KANK1: variants seen among roughly 807,000 people sequenced by gnomAD.
The protein encoded by KANK1 is KN motif and ankyrin repeat domain-containing protein 1.
Under a neutral mutation model 106.2 loss-of-function variants are expected in KANK1, and 109 were observed. That is an observed-to-expected ratio of 1.03 (90% confidence interval 0.88 to 1.20). The LOEUF (loss-of-function observed/expected upper bound fraction) is 1.20, where lower values mean the gene tolerates loss of function less well. Ranked by LOEUF, KANK1 falls within the 50% of genes most tolerant of loss-of-function variation. KANK1 has a pLI of 0.00. For synonymous variants in KANK1, 873 were observed against 652.2 expected (o/e 1.34, Z -5.16); for missense variants, 2,399 against 1,710.7 (o/e 1.40, Z -7.10).
At chr9:528,805 A>G (rs913535301) in intron 1 of KANK1, among the ~76,000 whole-genome samples, 4 of 149,994 alleles carry the variant, frequency 2.7e-5, no homozygotes, top group South Asian at 2.1e-4. Flanking sequence ...ATATGTCTCA[A>G]TTTTTTTTTC....
chr9:657,779 C>CA (rs769376414), intron 1 of KANK1, among the ~76,000 whole-genome samples: 2 of 152,022 alleles, frequency 1.3e-5, no homozygotes, highest in Non-Finnish European at 2.9e-5. Context: ...CTAGGTCAGA[C>CA]AGTTGACCTC....
At position 684,323 on chromosome 9, in the gene KANK1, G is replaced by A. The variant is rs1445852760; in HGVS notation, c.37+7314G>A. 9.1e-6 allele frequency: 9 copies of A among 985,240 alleles called. No individual in the cohort carries two copies. The South Asian group carries it at 2.8e-4, about 31-fold the overall frequency. 61.0% of individuals were successfully genotyped at this position (985,240 alleles called of 1,614,324 possible). A position where few individuals can be genotyped will look rare whatever the true frequency, so the allele number is the denominator to read the frequency against. ...AGGAAGGAGAAAAATCTGTGCTCCT[G>A]CTCCTGGGTACTGGGCAAAGAAACC... On this transcript the variant is annotated intron_variant, in intron 2 of 11. Coordinates refer to ENST00000382297, the MANE Select transcript of KANK1 (RefSeq NM_015158.5).
intron 1 of KANK1, among the ~76,000 whole-genome samples, chr9:634,460 A>G (rs148306026): frequency 9.8e-5 from 15 of 152,292 alleles, no homozygotes; most frequent in East Asian, 1.9e-4. Flanking sequence ...GATGTTATCT[A>G]TAGGAGCAAT....
intron 1 of KANK1, among the ~76,000 whole-genome samples, chr9:511,556 CTCTGTTGGTT>C (rs2059026967): frequency 6.8e-6 from 1 of 146,026 alleles, no homozygotes; most frequent in South Asian, 2.1e-4. Context: ...TTAAAACCAA[CTCTGTTGGTT>C]GAGGCAGTCA....
At chr9:527,181 G>A (rs1249202532) in intron 1 of KANK1, among the ~76,000 whole-genome samples, 5 of 151,696 alleles carry the variant, frequency 3.3e-5, no homozygotes, top group Non-Finnish European at 7.4e-5. Context: ...TCCTGAAGGC[G>A]TCCCTTCTGA....
chr9:552,357 A>G (rs2061335365), intron 1 of KANK1, among the ~76,000 whole-genome samples: 2 of 152,146 alleles, frequency 1.3e-5, no homozygotes, highest in Non-Finnish European at 2.9e-5. Context: ...TTAGCCGGTG[A>G]TTGCCCAAGC....
chr9:682,497 C>A (rs1817769695), intron 2 of KANK1, among the ~76,000 whole-genome samples: 1 of 152,138 alleles, frequency 6.6e-6, no homozygotes, highest in Non-Finnish European at 1.5e-5. Flanking sequence ...TCCAAGTCTT[C>A]ATGGAAAATA....
chr9:555,511 A>G (rs1349497758), intron 1 of KANK1, among the ~76,000 whole-genome samples: 1 of 152,258 alleles, frequency 6.6e-6, no homozygotes, highest in African/African-American at 2.4e-5. Context: ...AATTAGGTAA[A>G]ATACTATAGT....
At chr9:601,920 A>G (rs1469125273) in intron 1 of KANK1, among the ~76,000 whole-genome samples, 3 of 151,864 alleles carry the variant, frequency 2.0e-5, no homozygotes, top group Non-Finnish European at 4.4e-5. Context: ...CCAGACGTGC[A>G]CATTGCAACT....
intron 3 of KANK1, among the ~76,000 whole-genome samples, chr9:499,529 G>T (rs184584232): frequency 6.6e-6 from 1 of 152,094 alleles, no homozygotes; most frequent in Non-Finnish European, 1.5e-5. Flanking sequence ...ATCCTCCACC[G>T]CCGACAAGGC....
intron 1 of KANK1, among the ~76,000 whole-genome samples, chr9:676,073 C>G (rs1225827774): frequency 2.6e-5 from 4 of 152,196 alleles, no homozygotes; most frequent in African/African-American, 9.7e-5. Flanking sequence ...AGATCACTTT[C>G]ATCTCCATCT....
At chr9:710,113 A>G (rs1195365241) in intron 2 of KANK1, among the ~76,000 whole-genome samples, 1 of 152,154 alleles carries the variant, frequency 6.6e-6, no homozygotes, top group Non-Finnish European at 1.5e-5. Flanking sequence ...GGTGTGCACT[A>G]TTTGGGTGAT....
At chr9:649,725 C>T (rs111927959) in intron 1 of KANK1, among the ~76,000 whole-genome samples, 2,085 of 152,264 alleles carry the variant, frequency 0.014, 61 homozygotes, top group African/African-American at 0.048. Context: ...TTTTCATTCA[C>T]TGTGAGCTAT....
At chr9:498,043 C>G (rs2058485914) in intron 3 of KANK1, among the ~76,000 whole-genome samples, 1 of 152,128 alleles carries the variant, frequency 6.6e-6, no homozygotes, top group South Asian at 2.1e-4. Context: ...ATGGGAAACT[C>G]AGGGCACGAG....
At chr9:504,966 G>A (rs2058676179) in intron 1 of KANK1, among the ~76,000 whole-genome samples, 2 of 151,034 alleles carry the variant, frequency 1.3e-5, no homozygotes, top group Admixed American at 1.3e-4. Flanking sequence ...GTCCTGGGGG[G>A]GGGTCCGAGA....
chr9:647,539 A>T (rs1048562874), intron 1 of KANK1, among the ~76,000 whole-genome samples: 2 of 150,864 alleles, frequency 1.3e-5, no homozygotes, highest in African/African-American at 2.5e-5. Flanking sequence ...TCATCTTACG[A>T]AAATATATTT....
At chr9:707,332 C>T (rs1478327651) in intron 2 of KANK1, 13 of 686,598 alleles carry the variant, frequency 1.9e-5, no homozygotes, top group South Asian at 1.3e-4. Context: ...CGGGAAGGTG[C>T]GCACTGCTGG....
chr9:528,588 A>C (rs1452846722), intron 1 of KANK1, among the ~76,000 whole-genome samples: 1 of 146,206 alleles, frequency 6.8e-6, no homozygotes, highest in Non-Finnish European at 1.5e-5. Context: ...TTGAAGGTTG[A>C]AGCAATTCTC....
At chr9:710,560 G>C (rs567169989) in intron 2 of KANK1, among the ~76,000 whole-genome samples, 1 of 143,232 alleles carries the variant, frequency 7.0e-6, no homozygotes, top group Non-Finnish European at 1.5e-5. Flanking sequence ...GGAGGCTGCA[G>C]TGAACCGAGA....
Sources: allele counts gnomAD v4.1 joint callset (sites outside exome capture counted in the v4.1 genomes callset), GRCh38; gene constraint gnomAD v4.1.1; transcripts MANE v1.5; gene names NCBI Gene and HGNC (gene_info 2026-07-23, HGNC 2026-07-21).